Variants in PPFIA2 observed in about 807,000 individuals in gnomAD.
PPFIA2 encodes liprin-alpha-2.
PPFIA2 carries 46 observed loss-of-function variants against 175.5 expected under a neutral mutation model. The observed-to-expected ratio is 0.26, with a 90% CI of 0.21 to 0.34. The LOEUF is 0.34. Among genes scored for constraint, PPFIA2 ranks in the 10% least tolerant of loss-of-function variants. The probability of loss-of-function intolerance (pLI) is 1.00; values close to 1 mark genes in which losing one functional copy is unlikely to be tolerated. For missense variants in PPFIA2, 1,179 were observed against 1,506.1 expected, an observed-to-expected ratio of 0.78 and a Z score of 3.60; for synonymous variants, 568 against 511.4, an observed-to-expected ratio of 1.11 and a Z score of -1.49.
At chr12:81,374,532 T>G (rs999545880) in intron 11 of PPFIA2, 102 bp downstream of exon 11, 44 of 1,367,564 alleles carry the variant, frequency 3.2e-5, no homozygotes, top group Non-Finnish European at 4.2e-5. Context: ...GAGATTAAAC[T>G]TAATTTTCAT....
intron 22 of PPFIA2, among the ~76,000 whole-genome samples, chr12:81,310,922 C>T (rs989163051): frequency 1.3e-5 from 2 of 152,068 alleles, no homozygotes; most frequent in African/African-American, 2.4e-5. Flanking sequence ...TTTGTACTGG[C>T]ATACAAAATA....
intron 3 of PPFIA2, among the ~76,000 whole-genome samples, chr12:81,710,637 A>T (rs1216269456): frequency 2.0e-5 from 3 of 152,048 alleles, no homozygotes; most frequent in African/African-American, 7.2e-5. Flanking sequence ...TGTGATCAGC[A>T]CCCAAGTCTA....
At chr12:81,386,989 C>T (rs1218624525) in intron 8 of PPFIA2, among the ~76,000 whole-genome samples, 3 of 152,096 alleles carry the variant, frequency 2.0e-5, no homozygotes, top group African/African-American at 7.2e-5. Flanking sequence ...TGCACACATG[C>T]CCATTCCTCA....
intron 4 of PPFIA2, among the ~76,000 whole-genome samples, chr12:81,609,683 G>A (rs1416656477): frequency 2.6e-5 from 4 of 152,080 alleles, no homozygotes; most frequent in Non-Finnish European, 5.9e-5. Flanking sequence ...TGTGAAATGG[G>A]TCCCTGGAAG....
chr12:81,713,333 G>C (rs968815616), intron 3 of PPFIA2, among the ~76,000 whole-genome samples: 3 of 150,990 alleles, frequency 2.0e-5, no homozygotes, highest in Non-Finnish European at 4.4e-5. Context: ...CCAGCTAAGA[G>C]TAACAAAATT....
At chr12:81,726,707 T>C (rs2080126702) in intron 3 of PPFIA2, among the ~76,000 whole-genome samples, 1 of 151,310 alleles carries the variant, frequency 6.6e-6, no homozygotes, top group Admixed American at 6.6e-5. Flanking sequence ...AGATGGCCCA[T>C]GTATTGCTAT....
At chr12:81,632,447 C>A (rs2063496730) in intron 4 of PPFIA2, among the ~76,000 whole-genome samples, 1 of 151,958 alleles carries the variant, frequency 6.6e-6, no homozygotes, top group African/African-American at 2.4e-5. Flanking sequence ...CACAAAATAT[C>A]ATCTCTTATC....
intron 28 of PPFIA2, among the ~76,000 whole-genome samples, chr12:81,274,091 T>C (rs1017979794): frequency 3.9e-5 from 6 of 152,174 alleles, no homozygotes; most frequent in Non-Finnish European, 7.3e-5. Context: ...ATTTTGGCTA[T>C]ATAATCAGCT....
At chr12:81,271,867 A>G (rs138708330) in intron 28 of PPFIA2, among the ~76,000 whole-genome samples, 2 of 151,854 alleles carry the variant, frequency 1.3e-5, no homozygotes, top group Non-Finnish European at 2.9e-5. Context: ...TATTATCTTT[A>G]TGATCATTTC....
chr12:81,511,084 G>T (rs2061733634), intron 4 of PPFIA2, among the ~76,000 whole-genome samples: 2 of 151,952 alleles, frequency 1.3e-5, no homozygotes, highest in South Asian at 2.1e-4. Context: ...TTCATTGCAA[G>T]ATACATAACA....
At chr12:81,662,073 A>T (rs1403997486) in intron 4 of PPFIA2, among the ~76,000 whole-genome samples, 1 of 152,166 alleles carries the variant, frequency 6.6e-6, no homozygotes, top group Non-Finnish European at 1.5e-5. Context: ...AATTTATAGC[A>T]CTAAATGCCC....
Position 81,676,816 on chromosome 12 carries a change from G to A in PPFIA2, c.278C>T (p.Ala93Val). The A allele has an allele frequency of 6.4e-7, 1 of 1,564,380 alleles. No individual in the cohort carries two copies. Among genetic ancestry groups the A allele is most frequent in the Non-Finnish European group, 8.6e-7 (1 of 1,156,144 alleles). Reference protein sequence around the residue: ...QDIESLTGGLAGSKGADPPEF... With the variant: ...QDIESLTGGLVGSKGADPPEF... Reference sequence around the variant, plus strand: ...CGGTGGATCAGCCCCCTTAGAACCAGCCAGCCCTCCTGTTAGGGATTCGAT... The same window carrying A: ...CGGTGGATCAGCCCCCTTAGAACCAACCAGCCCTCCTGTTAGGGATTCGAT... Residue 93 changes from alanine (A) to valine (V), a missense_variant, in exon 4 of 33, where the codon GCT becomes GTT. Around this residue, in one of 10 missense-constraint regions of PPFIA2, gnomAD observed 128 missense variants for 141.4 expected, o/e 0.91. Transcript: ENST00000549396.
intron 4 of PPFIA2, among the ~76,000 whole-genome samples, chr12:81,461,877 T>C (rs1447328745): frequency 4.6e-5 from 7 of 152,072 alleles, no homozygotes; most frequent in African/African-American, 1.7e-4. Context: ...AAATACCTAG[T>C]TGTATTGTTT....
chr12:81,277,330 T>G lies in PPFIA2; in HGVS notation c.3297A>C (p.Gln1099His). 6.4e-7 allele frequency: 1 copy of G among 1,565,894 alleles called. No individual in the cohort carries two copies. Among genetic ancestry groups the G allele is most frequent in the Non-Finnish European group, 8.7e-7 (1 of 1,154,734 alleles). ...AAGATATATTACCTTTTATTTCATGTTGGCTTGCTTCCCGTCTTCTTTCTA... is the reference window on the plus strand; with the variant it reads ...AAGATATATTACCTTTTATTTCATGGTGGCTTGCTTCCCGTCTTCTTTCTA... Reference protein sequence around the residue: ...KELERRREASQHEIKDVLVWS... With the variant: ...KELERRREASHHEIKDVLVWS... The change falls in exon 28 of 33, where the codon CAA becomes CAC. Residue 1099 changes from glutamine to histidine, a missense_variant. Physicochemically the swap from Gln to His is conservative, Grantham distance 24. Around this residue, in one of 10 missense-constraint regions of PPFIA2, gnomAD observed 245 missense variants for 375.1 expected, o/e 0.65. Coordinates refer to ENST00000549396, the MANE Select transcript of PPFIA2 (RefSeq NM_003625.5).
chr12:81,559,425 G>A (rs2069517214), intron 4 of PPFIA2, among the ~76,000 whole-genome samples: 1 of 152,088 alleles, frequency 6.6e-6, no homozygotes, highest in Non-Finnish European at 1.5e-5. Flanking sequence ...GTCCTTCAAA[G>A]GACTCAAATT....
At chr12:81,284,081 G>T in intron 25 of PPFIA2, 160 bp downstream of exon 25, 1 of 599,458 alleles carries the variant, frequency 1.7e-6, no homozygotes, top group Non-Finnish European at 3.0e-6. Flanking sequence ...AATTTCAAGA[G>T]AGTGCAGTAA....
At chr12:81,328,224 C>T (rs2055251066) in intron 21 of PPFIA2, among the ~76,000 whole-genome samples, 1 of 152,128 alleles carries the variant, frequency 6.6e-6, no homozygotes, top group Non-Finnish European at 1.5e-5. Flanking sequence ...GGATGATTAT[C>T]TAAATCCAGT....
intron 4 of PPFIA2, among the ~76,000 whole-genome samples, chr12:81,593,512 C>T (rs1017412970): frequency 3.9e-5 from 6 of 152,132 alleles, no homozygotes; most frequent in South Asian, 2.1e-4. Flanking sequence ...ATATATTTTC[C>T]ACCTTACACA....
At chr12:81,368,184 AT>A in intron 13 of PPFIA2, 1 of 1,280,894 alleles carries the variant, frequency 7.8e-7, no homozygotes, top group South Asian at 1.2e-5. Context: ...TGAGACATAT[AT>A]AACTGTAAAT....
Sources: allele counts gnomAD v4.1 joint callset (sites outside exome capture counted in the v4.1 genomes callset), GRCh38; gene constraint gnomAD v4.1.1; regional missense constraint gnomAD v4.1.1; transcripts MANE v1.5; gene names NCBI Gene and HGNC (gene_info 2026-07-23, HGNC 2026-07-21).